NLGN1: variants seen among roughly 807,000 people sequenced by gnomAD.
NLGN1 encodes neuroligin 1, also known as neuroligin-1.
Under a neutral mutation model 65.5 loss-of-function variants are expected in NLGN1, and 12 were observed. That is an observed-to-expected ratio of 0.18 (90% CI 0.12 to 0.30). The LOEUF is 0.30. Ranked by LOEUF, NLGN1 falls within the 10% of genes least tolerant of loss-of-function variation. NLGN1 has a pLI of 1.00. For synonymous variants in NLGN1, 350 were observed against 359.5 expected (o/e 0.97, Z 0.30); for missense variants, 750 against 1,007.1 (o/e 0.74, Z 3.46).
chr3:174,117,922 CA>C (rs1348033033), intron 4 of NLGN1, among the ~76,000 whole-genome samples: 6 of 152,128 alleles, frequency 3.9e-5, no homozygotes, highest in African/African-American at 1.4e-4. Context: ...TACTCTATTT[CA>C]GGATCTGAAC....
chr3:174,088,387 G>A (rs555854369), intron 4 of NLGN1, among the ~76,000 whole-genome samples: 2 of 152,084 alleles, frequency 1.3e-5, no homozygotes, highest in Non-Finnish European at 2.9e-5. Context: ...CTTTATTGCC[G>A]CAATTGAGGG....
At chr3:173,836,195 C>A (rs976535630) in intron 4 of NLGN1, among the ~76,000 whole-genome samples, 1 of 152,060 alleles carries the variant, frequency 6.6e-6, no homozygotes, top group African/African-American at 2.4e-5. Context: ...TGGATTACAG[C>A]CCTAACTTTA....
At chr3:173,907,966 T>A (rs1481970225) in intron 4 of NLGN1, among the ~76,000 whole-genome samples, 1 of 151,826 alleles carries the variant, frequency 6.6e-6, no homozygotes, top group African/African-American at 2.4e-5. Flanking sequence ...GTGATCCACA[T>A]GCCTCGGCCT....
At chr3:173,571,155 G>A (rs946650294) in intron 2 of NLGN1, among the ~76,000 whole-genome samples, 33 of 152,188 alleles carry the variant, frequency 2.2e-4, no homozygotes, top group Non-Finnish European at 1.2e-4. Context: ...GAGTTCAAAG[G>A]TTGGATTTTT....
intron 4 of NLGN1, among the ~76,000 whole-genome samples, chr3:174,252,282 A>G (rs960631255): frequency 2.0e-5 from 3 of 152,176 alleles, no homozygotes; most frequent in Admixed American, 6.5e-5. Flanking sequence ...GCAACAGAGT[A>G]GGTAGTTTCA....
chr3:173,458,853 G>A (rs1722918938), intron 2 of NLGN1, among the ~76,000 whole-genome samples: 2 of 152,098 alleles, frequency 1.3e-5, no homozygotes, highest in Admixed American at 6.6e-5. Context: ...CAAGGCAGCT[G>A]CAGCAGTTCT....
intron 3 of NLGN1, among the ~76,000 whole-genome samples, chr3:173,609,190 C>T (rs1272606731): frequency 1.3e-5 from 2 of 151,874 alleles, no homozygotes; most frequent in African/African-American, 4.8e-5. Flanking sequence ...GTTGTGTAGT[C>T]TTGTGTTTCT....
chr3:173,863,144 A>C (rs1476870920), intron 4 of NLGN1, among the ~76,000 whole-genome samples: 1 of 152,168 alleles, frequency 6.6e-6, no homozygotes, highest in Non-Finnish European at 1.5e-5. Flanking sequence ...TAAAAAAAAA[A>C]AAACTTTCTT....
intron 2 of NLGN1, among the ~76,000 whole-genome samples, chr3:173,489,878 G>A (rs1313826434): frequency 2.6e-5 from 4 of 152,156 alleles, no homozygotes; most frequent in African/African-American, 4.8e-5. Context: ...CTGCATAAAT[G>A]TCTTCTTTTG....
chr3:174,176,143 T>C (rs888412467), intron 4 of NLGN1, among the ~76,000 whole-genome samples: 1 of 151,904 alleles, frequency 6.6e-6, no homozygotes, highest in Non-Finnish European at 1.5e-5. Flanking sequence ...TACTATGTAA[T>C]TTACAAGTCA....
chr3:173,587,697 A>G (rs368378633), intron 2 of NLGN1, among the ~76,000 whole-genome samples: 1 of 152,192 alleles, frequency 6.6e-6, no homozygotes, highest in African/African-American at 2.4e-5. Context: ...GAAGCTGTCA[A>G]TTAGCCCTGG....
chr3:173,745,273 C>A (rs1368616370), intron 3 of NLGN1, among the ~76,000 whole-genome samples: 1 of 152,034 alleles, frequency 6.6e-6, no homozygotes, highest in Non-Finnish European at 1.5e-5. Context: ...CAGCCTTCCC[C>A]ATCCACTGAA....
At chr3:173,510,251 C>T (rs764315535) in intron 2 of NLGN1, among the ~76,000 whole-genome samples, 2 of 152,186 alleles carry the variant, frequency 1.3e-5, no homozygotes, top group Non-Finnish European at 2.9e-5. Context: ...TTCCCTTATT[C>T]AATGTGATGA....
chr3:173,506,558 A>T (rs1732067994), intron 2 of NLGN1, among the ~76,000 whole-genome samples: 2 of 152,064 alleles, frequency 1.3e-5, no homozygotes, highest in Admixed American at 1.3e-4. Context: ...ATTTTAAAAT[A>T]TTATTTTTAC....
chr3:173,617,078 G>A (rs923476681), intron 3 of NLGN1, among the ~76,000 whole-genome samples: 1 of 152,038 alleles, frequency 6.6e-6, no homozygotes, highest in Non-Finnish European at 1.5e-5. Context: ...CCTTGCACAT[G>A]CTGATCCTTC....
chr3:173,753,973 A>ATATAATATAATATAATATAATATAG (rs1460923052), intron 3 of NLGN1, among the ~76,000 whole-genome samples: 5 of 146,562 alleles, frequency 3.4e-5, no homozygotes, highest in Non-Finnish European at 7.5e-5. Context: ...ATATAATATA[A>ATATAATATAATATAATATAATATAG]TATCTACTCA....
chr3:173,799,844 CAT>C (rs1715019530), intron 3 of NLGN1, among the ~76,000 whole-genome samples: 1 of 151,744 alleles, frequency 6.6e-6, no homozygotes, highest in Non-Finnish European at 1.5e-5. Flanking sequence ...TTAAGATATT[CAT>C]ATCTCTGTCT....
chr3:173,943,769 A>G (rs978034171), intron 4 of NLGN1, among the ~76,000 whole-genome samples: 42 of 152,208 alleles, frequency 2.8e-4, no homozygotes, highest in African/African-American at 8.9e-4. Flanking sequence ...GCATTTAGGA[A>G]GCCTAACAAA....
intron 4 of NLGN1, among the ~76,000 whole-genome samples, chr3:173,935,484 C>T (rs185646473): frequency 2.6e-3 from 395 of 151,338 alleles, no homozygotes; most frequent in African/African-American, 9.2e-3. Context: ...TTATTGGAGC[C>T]CAGGAGAAAC....
Sources: gnomAD v4.1 joint callset for allele counts (sites outside exome capture counted in the v4.1 genomes callset) on GRCh38, gnomAD v4.1.1 for gene constraint, MANE v1.5 for transcripts, NCBI Gene and HGNC (gene_info 2026-07-23, HGNC 2026-07-21) for gene names.